IQGAP3: variants seen among roughly 807,000 people sequenced by gnomAD.
The protein encoded by IQGAP3 is IQ motif containing GTPase activating protein 3, also known as ras GTPase-activating-like protein IQGAP3.
A neutral mutation model predicts 208.2 loss-of-function variants in IQGAP3; 165 were observed. The ratio of observed to expected loss-of-function variants is 0.79; its 90% CI spans 0.70 to 0.90. The LOEUF (loss-of-function observed/expected upper bound fraction) is 0.90, where lower values mean the gene tolerates loss of function less well. Among genes scored for constraint, IQGAP3 ranks in the 40% least tolerant of loss-of-function variants. The pLI, the probability that IQGAP3 is intolerant of heterozygous loss-of-function variation, is 0.00. For missense variants in IQGAP3, 1,811 were observed against 2,043.1 expected (o/e 0.89, Z 2.19); for synonymous variants, 703 against 803.6 (o/e 0.87, Z 2.12).
intron 28 of IQGAP3, 69 bp from the exon 29 acceptor site, chr1:156,534,802 A>C: frequency 8.2e-7 from 1 of 1,223,254 alleles, no homozygotes; most frequent in Non-Finnish European, 1.1e-6. Context: ...CCACATTCTC[A>C]GCTTGCTTGG....
chr1:156,538,838 G>C lies in IQGAP3; in HGVS notation c.3252C>G (p.Asn1084Lys). 6.2e-7 allele frequency: 1 copy of C among 1,614,146 alleles called. No homozygotes were observed. The highest frequency in any genetic ancestry group is 8.5e-7 in the Non-Finnish European group (1 of 1,179,998). Residue 1084 changes from asparagine to lysine, a missense_variant, in exon 26 of 38, where the codon AAC becomes AAG. Asn to Lys is a moderately conservative substitution (Grantham distance 94). Transcript: ENST00000361170. ...DPVHLYKNWI[N>K]QTEAQTGQRS... The stretch of plus-strand genomic sequence containing the variant: ...GCTGCCCTGTCTGGGCCTCAGTCTG[G>C]TTGATCCAGTTCTTATAGAGGTGGA...
At chr1:156,571,376 C>T (rs1201572387) in intron 1 of IQGAP3, among the ~76,000 whole-genome samples, 2 of 152,156 alleles carry the variant, frequency 1.3e-5, no homozygotes, top group Non-Finnish European at 2.9e-5. Context: ...GGTTGTTATC[C>T]TATTTCCTTA....
chr1:156,536,719 C>T (rs1674702312), intron 27 of IQGAP3: 2 of 153,014 alleles, frequency 1.3e-5, no homozygotes, highest in Non-Finnish European at 2.9e-5. Context: ...ATACACGTAT[C>T]AAAACATCAC....
At chr1:156,568,280 TCTTGGCTCA>T (rs1676494927) in intron 2 of IQGAP3, among the ~76,000 whole-genome samples, 2 of 152,174 alleles carry the variant, frequency 1.3e-5, no homozygotes, top group Admixed American at 1.3e-4. Flanking sequence ...AATGGCATGA[TCTTGGCTCA>T]CTGCAACATC....
In IQGAP3 at chr1:156,551,781, C is replaced by CCAG; in HGVS notation, c.1655_1657dup (p.Ala552dup). The CCAG allele has an allele frequency of 6.2e-7, 1 of 1,614,038 alleles. No individual in the cohort carries two copies. The highest frequency in any genetic ancestry group is 1.1e-5 in the South Asian group (1 of 91,032). On this transcript the variant is annotated inframe_insertion, in exon 15 of 38. Coordinates refer to ENST00000361170, the MANE Select transcript of IQGAP3 (RefSeq NM_178229.5). ...GACAGGGAGGCTGACATCATCTAGG[C>CCAG]CAGCTGCAGGAAGCAGTAGGGCAGA...
At chr1:156,571,326 T>A (rs1199079708) in intron 1 of IQGAP3, among the ~76,000 whole-genome samples, 1 of 152,222 alleles carries the variant, frequency 6.6e-6, no homozygotes, top group East Asian at 1.9e-4. Context: ...AGGCAGAGCT[T>A]AGCCAATCTG....
intron 11 of IQGAP3, among the ~76,000 whole-genome samples, chr1:156,557,309 CCGGCCAGCCGCCCAG>C (rs1675870790): frequency 1.2e-4 from 1 of 8,202 alleles, no homozygotes; most frequent in African/African-American, 1.4e-4. Context: ...AGCCCCCCGC[CCGGCCAGCCGCCCAG>C]TCCGGGAGGG....
At chr1:156,535,812 G>C (rs1674661453) in intron 27 of IQGAP3, among the ~76,000 whole-genome samples, 1 of 152,218 alleles carries the variant, frequency 6.6e-6, no homozygotes, top group Admixed American at 6.5e-5. Flanking sequence ...TATTATCTTA[G>C]ACTATTTCCT....
chr1:156,569,911 C>G (rs1418177601), intron 1 of IQGAP3, among the ~76,000 whole-genome samples: 1 of 152,116 alleles, frequency 6.6e-6, no homozygotes, highest in Non-Finnish European at 1.5e-5. Context: ...CCCAGGATAC[C>G]CTTTAATAGG....
intron 32 of IQGAP3, among the ~76,000 whole-genome samples, chr1:156,531,758 C>T (rs1158144054): frequency 6.6e-6 from 1 of 152,012 alleles, no homozygotes; most frequent in Non-Finnish European, 1.5e-5. Flanking sequence ...GTGCCTGCCA[C>T]CACACCCAGC....
rs777945844 is a variant in IQGAP3 at position 156,538,812 on chromosome 1, C to A, written c.3278G>T (p.Arg1093Leu). Residue 1093 changes from arginine (R) to leucine (L), a missense_variant, in exon 26 of 38, where the codon CGC becomes CTC. By Grantham distance (102) the Arg-to-Leu change is moderately radical. Coordinates refer to ENST00000361170, the MANE Select transcript of IQGAP3 (RefSeq NM_178229.5). ...INQTEAQTGQ[R>L]SHLPYDVTPE... ...CTCCCTCTGCCCATGTGCTCACCTG[C>A]GCTGCCCTGTCTGGGCCTCAGTCTG... is the stretch of plus-strand genomic sequence containing the variant. 4 of 1,613,486 alleles carry A rather than the reference C, an allele frequency of 2.5e-6. No individual in the cohort carries two copies. The South Asian group carries it at 4.4e-5, about 18-fold the overall frequency.
chr1:156,562,489 TA>T, intron 9 of IQGAP3, 97 bp downstream of exon 9: 1 of 974,470 alleles, frequency 1.0e-6, no homozygotes, highest in East Asian at 2.4e-5. Flanking sequence ...AATGAGACCA[TA>T]GGGCTTTCTG....
At chr1:156,548,551 C>T (rs932152813) in intron 17 of IQGAP3, 30 bp downstream of exon 17, 2 of 1,596,716 alleles carry the variant, frequency 1.3e-6, no homozygotes, top group Admixed American at 1.7e-5. Flanking sequence ...GGGCAGGCAG[C>T]GAAGAGGAGG....
chr1:156,540,961 G>A (rs1168376244), intron 22 of IQGAP3, 45 bp from the exon 23 acceptor site: 1 of 1,535,556 alleles, frequency 6.5e-7, no homozygotes, highest in South Asian at 1.1e-5. Context: ...TGCCTCATCA[G>A]AGGCCTCCTC....
intron 13 of IQGAP3, among the ~76,000 whole-genome samples, chr1:156,552,588 C>T (rs112801709): frequency 3.0e-4 from 46 of 152,320 alleles, no homozygotes; most frequent in African/African-American, 1.0e-3. Flanking sequence ...TATTATATGA[C>T]CAAATCCTGT....
chr1:156,539,941 A>T lies in IQGAP3; in HGVS notation c.2789T>A (p.Leu930Gln), dbSNP rs753670009. 6.2e-7 allele frequency: 1 copy of T among 1,614,160 alleles called. No individual in the cohort carries two copies. The highest frequency in any genetic ancestry group is 8.5e-7 in the Non-Finnish European group (1 of 1,180,018). The change falls in exon 24 of 38, where the codon CTG (leucine) becomes CAG (glutamine). Residue 930 changes from leucine (L) to glutamine (Q), a missense_variant. By Grantham distance (113) the Leu-to-Gln change is moderately radical. Transcript: ENST00000361170. ...KKLTKRNKEQ[L>Q]SDMMVLDKQK... ...CTTGTCCAGAACCATCATATCTGACAGCTGTTCCTTATTCCTCTTGGTCAG... is the reference window on the plus strand; with the variant it reads ...CTTGTCCAGAACCATCATATCTGACTGCTGTTCCTTATTCCTCTTGGTCAG...
At position 156,527,298 on chromosome 1, in the gene IQGAP3, G is replaced by A. The variant is rs192285093; in HGVS notation, c.4782+654C>T. 3.1e-3 allele frequency among the ~76,000 whole-genome samples: 476 copies of A among 151,702 alleles called. 3 individuals carry two copies. The highest frequency in any genetic ancestry group is 0.011 in the African/African-American group (454 of 41,438). On this transcript the variant is annotated intron_variant, in intron 37 of 37. Transcript: ENST00000361170. ...AGTTCAAGACCAGCCTGACCAACAT[G>A]GTGAAACCCCATCTCTACTAAAAAT...
intron 37 of IQGAP3, 80 bp from the exon 38 acceptor site, chr1:156,526,679 C>G: frequency 1.1e-6 from 1 of 933,670 alleles, no homozygotes; most frequent in Non-Finnish European, 1.7e-6. Context: ...ACACTCACAT[C>G]ATGGGGCCTT....
intron 4 of IQGAP3, 53 bp downstream of exon 4, chr1:156,565,974 G>A: frequency 1.3e-5 from 17 of 1,314,174 alleles, no homozygotes; most frequent in Non-Finnish European, 1.9e-5. Flanking sequence ...GGGATTGTGG[G>A]AGGTGGCTGG....
Sources: gnomAD v4.1 joint callset for allele counts (sites outside exome capture counted in the v4.1 genomes callset) on GRCh38, gnomAD v4.1.1 for gene constraint, MANE v1.5 for transcripts, NCBI Gene and HGNC (gene_info 2026-07-23, HGNC 2026-07-21) for gene names.